OTOA: variants seen among roughly 807,000 people sequenced by gnomAD.
OTOA encodes cancer/testis antigen 108.
A neutral mutation model predicts 110.8 loss-of-function variants in OTOA; 70 were observed. The observed-to-expected ratio is 0.63, with a 90% CI of 0.52 to 0.77. The LOEUF (loss-of-function observed/expected upper bound fraction) is 0.77. Among genes scored for constraint, OTOA ranks in the 30% least tolerant of loss-of-function variants. The pLI, the probability that OTOA is intolerant of heterozygous loss-of-function variation, is 0.00. For synonymous variants in OTOA, 373 were observed against 431.5 expected (o/e 0.86, Z 1.68); for missense variants, 917 against 1,075.8 (o/e 0.85, Z 2.06).
At chr16:21,697,404 G>A (rs1022883350) in intron 9 of OTOA, among the ~76,000 whole-genome samples, 8 of 152,084 alleles carry the variant, frequency 5.3e-5, no homozygotes, top group African/African-American at 1.2e-4. Flanking sequence ...GGCAAGAGGC[G>A]GGCAGATCAC....
At chr16:21,704,909 T>C (rs1401982739) in intron 11 of OTOA, 1 of 780,030 alleles carries the variant, frequency 1.3e-6, no homozygotes, top group Non-Finnish European at 2.4e-6. Flanking sequence ...ATGCCAGGAC[T>C]CATTCTGATT....
chr16:21,697,436 CA>C (rs1897966101), intron 9 of OTOA, among the ~76,000 whole-genome samples: 1 of 151,978 alleles, frequency 6.6e-6, no homozygotes. Flanking sequence ...AGTTTGAGAC[CA>C]GCCTGACCAA....
At chr16:21,720,120 T>C (rs1898684005) in intron 17 of OTOA, among the ~76,000 whole-genome samples, 1 of 152,052 alleles carries the variant, frequency 6.6e-6, no homozygotes, top group Non-Finnish European at 1.5e-5. Context: ...CATGCCTGGC[T>C]AATTTATTTA....
chr16:21,664,865 C>T (rs965501963), intron 1 of OTOA, among the ~76,000 whole-genome samples: 10 of 151,484 alleles, frequency 6.6e-5, no homozygotes, highest in African/African-American at 1.9e-4. Context: ...TCAGCTACTC[C>T]GGAGGCTGAG....
rs1056291833 is a variant in OTOA, at chr16:21,736,522, T to C, written c.2431+132T>C. 11 of 1,052,066 alleles carry C rather than the reference T, an allele frequency of 1.0e-5. No homozygotes were observed. The African/African-American group carries it at 1.4e-4, about 13-fold the overall frequency. 65.2% of individuals were successfully genotyped at this position (1,052,066 alleles called of 1,614,324 possible). ...TCTGCAAAGCAATAGAATGACAAAA[T>C]CTATAAGCAAAAGAATTACACTTTT... On this transcript the variant is annotated intron_variant, in intron 22 of 28. Coordinates refer to ENST00000646100, the MANE Select transcript of OTOA (RefSeq NM_144672.4).
At chr16:21,683,531 A>AAAAC (rs1045064455) in intron 6 of OTOA, among the ~76,000 whole-genome samples, 14 of 152,090 alleles carry the variant, frequency 9.2e-5, no homozygotes, top group South Asian at 2.1e-4. Flanking sequence ...TGTCTCTACA[A>AAAAC]AAACAAACAA....
chr16:21,713,333 A>G (rs540380991), intron 13 of OTOA, among the ~76,000 whole-genome samples: 2 of 152,260 alleles, frequency 1.3e-5, no homozygotes, highest in Admixed American at 1.3e-4. Context: ...ATATATTCCA[A>G]CCACATTCCC....
intron 23 of OTOA, among the ~76,000 whole-genome samples, chr16:21,744,579 G>A (rs1899598182): frequency 1.0e-5 from 1 of 95,268 alleles, no homozygotes; most frequent in African/African-American, 3.5e-5. Flanking sequence ...TTGAAGCACT[G>A]GCAGATCCAG....
chr16:21,703,412 G>C (rs1489792799), intron 11 of OTOA, among the ~76,000 whole-genome samples: 1 of 151,996 alleles, frequency 6.6e-6, no homozygotes, highest in East Asian at 1.9e-4. Context: ...CTTAGCATAA[G>C]ATCCTCCAAG....
chr16:21,665,705 C>T (rs11646204), intron 1 of OTOA, among the ~76,000 whole-genome samples: 8,224 of 152,148 alleles, frequency 0.054, 499 homozygotes, highest in East Asian at 0.29. Context: ...CATTTGTTCT[C>T]CGGAGACTTA....
chr16:21,673,865 C>G (rs1162476594), intron 1 of OTOA, among the ~76,000 whole-genome samples: 1 of 152,164 alleles, frequency 6.6e-6, no homozygotes, highest in Non-Finnish European at 1.5e-5. Context: ...TCTTGGCTCA[C>G]TGCATCACTG....
At chr16:21,720,032 T>C (rs1321390580) in intron 17 of OTOA, among the ~76,000 whole-genome samples, 1 of 152,008 alleles carries the variant, frequency 6.6e-6, no homozygotes, top group Non-Finnish European at 1.5e-5. Context: ...CATGGTTCAT[T>C]GCAGCCTCAA....
At chr16:21,708,325 T>C (rs1898255029) in intron 12 of OTOA, among the ~76,000 whole-genome samples, 1 of 152,148 alleles carries the variant, frequency 6.6e-6, no homozygotes, top group South Asian at 2.1e-4. Flanking sequence ...GAGAATCTAA[T>C]GCCGCTTCTG....
intron 11 of OTOA, among the ~76,000 whole-genome samples, chr16:21,704,766 G>A (rs952126338): frequency 6.6e-6 from 1 of 152,168 alleles, no homozygotes; most frequent in Non-Finnish European, 1.5e-5. Flanking sequence ...AGAAGACAGT[G>A]CTCAAATCTG....
At chr16:21,715,191 G>A in intron 14 of OTOA, 39 bp downstream of exon 14, 1 of 1,613,676 alleles carries the variant, frequency 6.2e-7, no homozygotes, top group Non-Finnish European at 8.5e-7. Flanking sequence ...ACATGTCACA[G>A]GGGGTATGTT....
chr16:21,735,182 T>C (rs950250887), intron 21 of OTOA, among the ~76,000 whole-genome samples: 3 of 148,894 alleles, frequency 2.0e-5, no homozygotes, highest in Non-Finnish European at 4.4e-5. Flanking sequence ...ATTGATTGGC[T>C]CATGGCTCTG....
chr16:21,669,543 G>T (rs1966846333), intron 1 of OTOA, among the ~76,000 whole-genome samples: 1 of 152,018 alleles, frequency 6.6e-6, no homozygotes, highest in Non-Finnish European at 1.5e-5. Flanking sequence ...TGAGCTCCAG[G>T]GATCCTTCCC....
chr16:21,720,850 G>T (rs1000664044), intron 17 of OTOA, among the ~76,000 whole-genome samples: 1 of 151,822 alleles, frequency 6.6e-6, no homozygotes, highest in Non-Finnish European at 1.5e-5. Flanking sequence ...TCAAATACCA[G>T]TTAATTAGAA....
intron 23 of OTOA, 84 bp from the exon 24 acceptor site, chr16:21,744,797 C>T (rs1899602861): frequency 1.6e-3 from 1 of 630 alleles, no homozygotes; most frequent in African/African-American, 3.4e-3. Flanking sequence ...TTAACATATG[C>T]ATTTTAGAGG....
Sources: allele counts gnomAD v4.1 joint callset (sites outside exome capture counted in the v4.1 genomes callset), GRCh38; gene constraint gnomAD v4.1.1; transcripts MANE v1.5; gene names NCBI Gene and HGNC (gene_info 2026-07-23, HGNC 2026-07-21).